GLRA2: variants seen among roughly 807,000 people sequenced by gnomAD.
GLRA2 encodes glycine receptor alpha 2.
GLRA2 carries 11 observed loss-of-function variants against 31.6 expected under a neutral mutation model. The observed-to-expected ratio is 0.35, with a 90% CI of 0.22 to 0.58. The LOEUF (loss-of-function observed/expected upper bound fraction) is 0.58, where lower values mean the gene tolerates loss of function less well. Ranked by LOEUF, GLRA2 falls within the 20% of genes least tolerant of loss-of-function variation. GLRA2 has a pLI of 0.84. For missense variants in GLRA2, 212 were observed against 351.8 expected, an observed-to-expected ratio of 0.60 and a Z score of 3.18; for synonymous variants, 132 against 134.0, an observed-to-expected ratio of 0.99 and a Z score of 0.10.
At chrX:14,698,939 A>G (rs971415270) in intron 8 of GLRA2, among the ~76,000 whole-genome samples, 2 of 111,244 alleles carry the variant, frequency 1.8e-5, no homozygotes, top group African/African-American at 6.5e-5. Flanking sequence ...TGAGCAATCA[A>G]GTTATCAAAT....
chrX:14,460,447 G>A, the GLRA2 span, among the ~76,000 whole-genome samples: 2 of 111,899 alleles, frequency 1.8e-5, no homozygotes, highest in African/African-American at 3.3e-5. Flanking sequence ...AGAAGGAATG[G>A]AACCAGCTCC....
chrX:14,455,621 T>G, the GLRA2 span, among the ~76,000 whole-genome samples: 1 of 111,667 alleles, frequency 9.0e-6, no homozygotes, highest in Non-Finnish European at 1.9e-5. Flanking sequence ...CTATATTTAA[T>G]GGACATGTCT....
At chrX:14,462,099 G>A in the GLRA2 span, among the ~76,000 whole-genome samples, 4 of 111,430 alleles carry the variant, frequency 3.6e-5, no homozygotes, top group East Asian at 5.6e-4. Flanking sequence ...TTTCTCCTTT[G>A]CTTATGAAGC....
intron 7 of GLRA2, among the ~76,000 whole-genome samples, chrX:14,661,098 A>G (rs1282774965): frequency 2.4e-5 from 1 of 41,355 alleles, no homozygotes; most frequent in Non-Finnish European, 7.3e-5. Context: ...AAGATGCTAC[A>G]TGAATGAATG....
At chrX:14,525,163 A>C (rs2089183524), upstream of GLRA2, among the ~76,000 whole-genome samples, 2 of 111,614 alleles carry the variant, frequency 1.8e-5, no homozygotes, top group Admixed American at 1.9e-4. Context: ...AAAGTTTAAT[A>C]TGTAGCATGA....
the GLRA2 span, among the ~76,000 whole-genome samples, chrX:14,494,851 G>T: frequency 7.2e-5 from 8 of 111,797 alleles, no homozygotes; most frequent in African/African-American, 2.6e-4. Flanking sequence ...AGTATTTGAA[G>T]AAAACTAGTG....
intron 4 of GLRA2, among the ~76,000 whole-genome samples, chrX:14,592,744 C>T (rs1463488274): frequency 8.9e-6 from 1 of 112,157 alleles, no homozygotes; most frequent in African/African-American, 3.2e-5. Flanking sequence ...AGAAACTTCC[C>T]AGTCGTAAAC....
At chrX:14,679,272 G>C (rs910397065) in intron 7 of GLRA2, among the ~76,000 whole-genome samples, 1 of 110,684 alleles carries the variant, frequency 9.0e-6, no homozygotes, top group South Asian at 3.9e-4. Context: ...AGGAAGATCA[G>C]ATGATTCAGA....
At chrX:14,701,313 T>A (rs2214257) in intron 8 of GLRA2, among the ~76,000 whole-genome samples, 22,629 of 110,532 alleles carry the variant, frequency 0.2, 1,887 homozygotes, top group Non-Finnish European at 0.26. Context: ...CTCAGCAGCC[T>A]AGAATAACCA....
intron 7 of GLRA2, among the ~76,000 whole-genome samples, chrX:14,653,853 A>C (rs1390807406): frequency 8.9e-6 from 1 of 112,539 alleles, no homozygotes; most frequent in Non-Finnish European, 1.9e-5. Context: ...AGCTGGGCAC[A>C]GTGGCTCATG....
intron 7 of GLRA2, among the ~76,000 whole-genome samples, chrX:14,660,059 G>T (rs1279296683): frequency 9.0e-6 from 1 of 111,490 alleles, no homozygotes; most frequent in African/African-American, 3.3e-5. Flanking sequence ...TATTCCATCA[G>T]GGGGAGACAG....
In GLRA2 at chrX:14,696,809, C is replaced by G. The variant is rs149702859; in HGVS notation, c.1080+5950C>G. Among the ~76,000 whole-genome samples, 264 of 112,042 alleles carry G rather than the reference C, an allele frequency of 2.4e-3. 3 individuals are homozygous for G. Among genetic ancestry groups the G allele is most frequent in the African/African-American group, 7.8e-3 (240 of 30,880 alleles). ...TTTTAGAGATGCCAGTTGGCAGTTA[C>G]AATCCCTGCTATGTTTATTGAGAAA... On this transcript the variant is annotated intron_variant, in intron 8 of 8. Transcript: ENST00000218075.
In GLRA2 at chrX:14,593,920, A is replaced by T. The variant is rs185932772; in HGVS notation, c.495-10395A>T. On this transcript the variant is annotated intron_variant, in intron 4 of 8. Coordinates refer to ENST00000218075, the MANE Select transcript of GLRA2 (RefSeq NM_002063.4). The stretch of plus-strand genomic sequence containing the variant: ...AGCTCATAACAGAGGTGACAGTTGC[A>T]TCTACTTTCAGATAATAGTTTAGCT... Among the ~76,000 whole-genome samples the T allele has an allele frequency of 1.0e-3, 117 of 112,967 alleles. 1 individual carries two copies. The highest frequency in any genetic ancestry group is 3.4e-3 in the African/African-American group (106 of 31,189).
intron 2 of GLRA2, among the ~76,000 whole-genome samples, chrX:14,569,557 A>G (rs2089855673): frequency 9.2e-6 from 1 of 108,187 alleles, no homozygotes; most frequent in Non-Finnish European, 1.9e-5. Context: ...CAAAACCACA[A>G]TGATATACCA....
chrX:14,585,519 C>T (rs935612687), intron 4 of GLRA2, among the ~76,000 whole-genome samples: 2 of 111,507 alleles, frequency 1.8e-5, no homozygotes, highest in Non-Finnish European at 3.8e-5. Context: ...CTAATATATG[C>T]CCAGCTGCAG....
At chrX:14,639,384 A>C (rs1386057379) in intron 7 of GLRA2, among the ~76,000 whole-genome samples, 1 of 112,027 alleles carries the variant, frequency 8.9e-6, no homozygotes, top group Non-Finnish European at 1.9e-5. Flanking sequence ...TGTTGAATGA[A>C]TAACTAGAGG....
chrX:14,455,657 G>A, the GLRA2 span, among the ~76,000 whole-genome samples: 1 of 111,367 alleles, frequency 9.0e-6, no homozygotes, highest in Non-Finnish European at 1.9e-5. Context: ...GAAGAAGTTT[G>A]TTCTTGGTTC....
chrX:14,507,712 T>TG, the GLRA2 span, among the ~76,000 whole-genome samples: 2 of 90,922 alleles, frequency 2.2e-5, no homozygotes, highest in Admixed American at 1.2e-4. Flanking sequence ...TTTTTTTTTT[T>TG]GGAGACAGAG....
chrX:14,610,401 A>G (rs112104055), intron 7 of GLRA2, among the ~76,000 whole-genome samples: 3 of 111,978 alleles, frequency 2.7e-5, no homozygotes, highest in African/African-American at 9.7e-5. Context: ...TAGGTTTTAT[A>G]TGGTCATAGA....
Sources: gnomAD v4.1 joint callset for allele counts (sites outside exome capture counted in the v4.1 genomes callset) on GRCh38, gnomAD v4.1.1 for gene constraint, MANE v1.5 for transcripts, NCBI Gene and HGNC (gene_info 2026-07-23, HGNC 2026-07-21) for gene names.